Variants in PPFIBP1 observed in about 807,000 individuals in gnomAD.
PPFIBP1 encodes the protein liprin-beta-1.
In PPFIBP1, 112 loss-of-function variants were observed where a neutral mutation model predicts 137.8. That is an observed-to-expected ratio of 0.81 (90% CI 0.70 to 0.95). The LOEUF is 0.95. Ranked by LOEUF, PPFIBP1 falls within the 40% of genes least tolerant of loss-of-function variation. The probability of loss-of-function intolerance (pLI) is 0.00; values close to 1 mark genes in which losing one functional copy is unlikely to be tolerated. For missense variants in PPFIBP1, 1,083 were observed against 1,196.6 expected (o/e 0.91, Z 1.40); for synonymous variants, 378 against 417.3 (o/e 0.91, Z 1.15).
intron 8 of PPFIBP1, 91 bp downstream of exon 8, chr12:27,654,905 T>C: frequency 6.8e-7 from 1 of 1,461,154 alleles, no homozygotes; most frequent in Non-Finnish European, 9.1e-7. Flanking sequence ...TTCTACTTAA[T>C]GTATGATAAA....
Position 27,688,956 on chromosome 12 carries a change from T to A in PPFIBP1, c.2497-59T>A, listed in dbSNP as rs964659229. On this transcript the variant is annotated intron_variant, in intron 26 of 29. Coordinates refer to ENST00000228425, the MANE Select transcript of PPFIBP1 (RefSeq NM_003622.4). ...AAGCTTTGCAAATTATAAAGCACAA[T>A]ACAAACATGTATGATTTGTGGTGAC... 2.2e-5 allele frequency: 34 copies of A among 1,535,266 alleles called. 1 individual carries two copies. In the African/African-American group the frequency reaches 4.6e-4, roughly 21 times the overall value.
At chr12:27,526,572 A>G (rs306649) in intron 1 of PPFIBP1, among the ~76,000 whole-genome samples, 14,065 of 152,158 alleles carry the variant, frequency 0.092, 926 homozygotes, top group East Asian at 0.27. Flanking sequence ...GGTGGCTCAC[A>G]CCTGTAATCC....
rs2061632466 is a variant in PPFIBP1, at chr12:27,692,777, C to T, written c.2932-19C>T. On this transcript the variant is annotated intron_variant, in intron 29 of 29. Coordinates refer to ENST00000228425, the MANE Select transcript of PPFIBP1 (RefSeq NM_003622.4). The stretch of plus-strand genomic sequence containing the variant: ...AGCTCTTGGCTCTCAGTGTGACTCC[C>T]TGTCTCCTTGTTTTCCAGCACATGT... 2.5e-6 allele frequency: 4 copies of T among 1,613,938 alleles called. No individual in the cohort carries two copies. Among genetic ancestry groups the T allele is most frequent in the African/African-American group, 1.3e-5 (1 of 74,926 alleles).
chr12:27,662,943 A>T (rs2059639378), intron 11 of PPFIBP1, among the ~76,000 whole-genome samples: 1 of 152,122 alleles, frequency 6.6e-6, no homozygotes, highest in South Asian at 2.1e-4. Context: ...TATTTCTCAT[A>T]CTTCTGTGAG....
chr12:27,689,014 G>C lies in PPFIBP1; in HGVS notation c.2497-1G>C, dbSNP rs1292472872. 2.5e-6 allele frequency: 4 copies of C among 1,604,444 alleles called. No individual in the cohort carries two copies. The highest frequency in any genetic ancestry group is 3.4e-6 in the Non-Finnish European group (4 of 1,177,134). ...AAGCTTTTTTTTTTTTCTTTAAACA[G>C]GTTCTAGAGCCTCGTTTTAACGTAG... On this transcript the variant is annotated splice_acceptor_variant, in intron 26 of 29. Transcript: ENST00000228425. LOFTEE classifies it high-confidence loss of function.
At chr12:27,673,420 G>C (rs2060319012) in intron 15 of PPFIBP1, among the ~76,000 whole-genome samples, 1 of 152,190 alleles carries the variant, frequency 6.6e-6, no homozygotes, top group South Asian at 2.1e-4. Context: ...TAGTACGTGA[G>C]TATTTTTAAA....
chr12:27,634,835 G>A (rs1243031496), intron 3 of PPFIBP1, 75 bp from the exon 4 acceptor site: 5 of 1,273,592 alleles, frequency 3.9e-6, no homozygotes, highest in Non-Finnish European at 5.7e-6. Context: ...GACTAGACTG[G>A]TTTACCGCCT....
At chr12:27,534,270 G>T (rs1592291253) in intron 1 of PPFIBP1, among the ~76,000 whole-genome samples, 1 of 152,248 alleles carries the variant, frequency 6.6e-6, no homozygotes, top group Admixed American at 6.5e-5. Flanking sequence ...TGCGATGGAA[G>T]AGAGGATAGG....
intron 1 of PPFIBP1, among the ~76,000 whole-genome samples, chr12:27,550,991 A>ATATATAT (rs375148048): frequency 0.026 from 3,575 of 136,632 alleles, 141 homozygotes; most frequent in African/African-American, 0.093. Flanking sequence ...ATATATATAT[A>ATATATAT]TTTTTTTTTT....
chr12:27,690,834 C>T (rs2061490828), intron 27 of PPFIBP1, among the ~76,000 whole-genome samples: 1 of 151,794 alleles, frequency 6.6e-6, no homozygotes, highest in Non-Finnish European at 1.5e-5. Flanking sequence ...GAAGGTGGGC[C>T]AGAAGAGAAT....
At chr12:27,598,985 T>C (rs1360193257) in intron 2 of PPFIBP1, among the ~76,000 whole-genome samples, 2 of 152,226 alleles carry the variant, frequency 1.3e-5, no homozygotes, top group African/African-American at 4.8e-5. Context: ...ATTTATAATG[T>C]TTTAGGCCTG....
At chr12:27,678,856 C>CAAAAAAAAAAAAAAAAAAAAAAAAAAAA (rs60834907) in intron 19 of PPFIBP1, among the ~76,000 whole-genome samples, 4 of 98,972 alleles carry the variant, frequency 4.0e-5, no homozygotes, top group African/African-American at 8.5e-5. Flanking sequence ...GACTCTGTCT[C>CAAAAAAAAAAAAAAAAAAAAAAAAAAAA]AAAAAAAAAA....
chr12:27,688,379 T>TA lies in PPFIBP1; in HGVS notation c.2453dup (p.Tyr818Ter). The change falls in exon 26 of 30, where the codon TAT becomes TAAT. Residue 818 changes from tyrosine (Y) to a stop codon, truncating the protein, a stop_gained and frameshift_variant. Coordinates refer to ENST00000228425, the MANE Select transcript of PPFIBP1 (RefSeq NM_003622.4). LOFTEE classifies it high-confidence loss of function. ...GCTGCGCTCCGTGGACTTGGCAGAA[T>TA]ATGCGCCCAATCTCAGAGGCAGTGG... ...EWLRSVDLAE[Y>*]APNLRGSGVH... 1 of 1,614,138 alleles carries TA rather than the reference T, an allele frequency of 6.2e-7. No individual in the cohort carries two copies. Among genetic ancestry groups the TA allele is most frequent in the Non-Finnish European group, 8.5e-7 (1 of 1,180,016 alleles).
At chr12:27,529,972 C>T (rs1944231668) in intron 1 of PPFIBP1, among the ~76,000 whole-genome samples, 1 of 152,174 alleles carries the variant, frequency 6.6e-6, no homozygotes, top group African/African-American at 2.4e-5. Flanking sequence ...CCATAGTACT[C>T]TACACAAATA....
rs2059108634 is a variant in PPFIBP1, at chr12:27,655,029, G to C, written c.696+215G>C. On this transcript the variant is annotated intron_variant, in intron 8 of 29. Coordinates refer to ENST00000228425, the MANE Select transcript of PPFIBP1 (RefSeq NM_003622.4). ...TAACTCATCCGACAGAACATAACCT[G>C]CCCTTTCTCTGAGTTGTATCTAACC... 2.0e-5 allele frequency: 21 copies of C among 1,036,316 alleles called. No homozygotes were observed. In the South Asian group the frequency reaches 3.0e-4, roughly 15 times the overall value. The allele number at this position is 1,036,316 out of a possible 1,614,324, so 64.2% of individuals were successfully genotyped here.
intron 2 of PPFIBP1, among the ~76,000 whole-genome samples, chr12:27,630,385 A>G (rs771918543): frequency 2.6e-5 from 4 of 152,100 alleles, no homozygotes; most frequent in Non-Finnish European, 5.9e-5. Flanking sequence ...TCATTGTAAA[A>G]TATCTTTCTT....
At chr12:27,637,035 G>A (rs575464807) in intron 4 of PPFIBP1, 1 of 152,260 alleles carries the variant, frequency 6.6e-6, no homozygotes, top group South Asian at 2.1e-4. Flanking sequence ...GTGAGGCCTT[G>A]TATCACCACC....
intron 1 of PPFIBP1, among the ~76,000 whole-genome samples, chr12:27,573,701 C>T (rs1371131092): frequency 3.3e-5 from 5 of 152,254 alleles, no homozygotes; most frequent in Admixed American, 6.5e-5. Context: ...GGTTAAAAGC[C>T]GGCGGGTGCA....
chr12:27,664,636 G>C (rs1205569521), intron 12 of PPFIBP1, among the ~76,000 whole-genome samples, 190 bp downstream of exon 12: 1 of 151,838 alleles, frequency 6.6e-6, no homozygotes, highest in Non-Finnish European at 1.5e-5. Flanking sequence ...GTGTACTGTA[G>C]AGTCATTGGT....
Sources: allele counts gnomAD v4.1 joint callset (sites outside exome capture counted in the v4.1 genomes callset), GRCh38; gene constraint gnomAD v4.1.1; transcripts MANE v1.5; gene names NCBI Gene and HGNC (gene_info 2026-07-23, HGNC 2026-07-21).